Variants in COLEC12 observed in about 807,000 individuals in gnomAD.
COLEC12 encodes the protein collectin-12.
COLEC12 carries 33 observed loss-of-function variants against 71.1 expected under a neutral mutation model. The observed-to-expected ratio is 0.46, with a 90% CI of 0.35 to 0.62. The LOEUF (loss-of-function observed/expected upper bound fraction) is 0.62, where lower values mean the gene tolerates loss of function less well. COLEC12 is among the 20% of genes least tolerant of loss of function. The pLI, the probability that COLEC12 is intolerant of heterozygous loss-of-function variation, is 0.00. For synonymous variants in COLEC12, 350 were observed against 353.0 expected, an observed-to-expected ratio of 0.99 and a Z score of 0.10; for missense variants, 765 against 916.1, an observed-to-expected ratio of 0.84 and a Z score of 2.13.
chr18:363,986 C>T (rs1481549118), intron 2 of COLEC12, among the ~76,000 whole-genome samples: 1 of 152,138 alleles, frequency 6.6e-6, no homozygotes. Context: ...CACAGCAGCT[C>T]TGTATTCATA....
intron 4 of COLEC12, 120 bp from the exon 5 acceptor site, chr18:347,461 T>A: frequency 1.3e-6 from 1 of 776,562 alleles, no homozygotes; most frequent in Non-Finnish European, 2.1e-6. Flanking sequence ...ATTGGCAGTA[T>A]AAGCGGACAG....
At chr18:323,672 G>A (rs931713465) in intron 8 of COLEC12, among the ~76,000 whole-genome samples, 10 of 152,274 alleles carry the variant, frequency 6.6e-5, no homozygotes, top group Middle Eastern at 3.4e-3. Flanking sequence ...CATACATTTC[G>A]TTCATTTCTG....
intron 2 of COLEC12, among the ~76,000 whole-genome samples, chr18:427,693 C>T (rs1279825175): frequency 6.6e-6 from 1 of 151,408 alleles, no homozygotes; most frequent in Non-Finnish European, 1.5e-5. Flanking sequence ...AATTCATAAC[C>T]GGTCCTCAAA....
chr18:390,253 T>G (rs911966620), intron 2 of COLEC12, among the ~76,000 whole-genome samples: 1 of 152,156 alleles, frequency 6.6e-6, no homozygotes, highest in Non-Finnish European at 1.5e-5. Flanking sequence ...TGCCCAAATG[T>G]TGATTTGCTA....
chr18:491,352 T>C (rs1917616025), intron 1 of COLEC12, among the ~76,000 whole-genome samples: 1 of 152,240 alleles, frequency 6.6e-6, no homozygotes, highest in South Asian at 2.1e-4. Flanking sequence ...TGGTAATGTG[T>C]GGGCTTTGAA....
chr18:421,137 C>G (rs1276739924), intron 2 of COLEC12, among the ~76,000 whole-genome samples: 1 of 152,180 alleles, frequency 6.6e-6, no homozygotes, highest in Admixed American at 6.5e-5. Flanking sequence ...GTCTCTACTG[C>G]TAAGTTGTGA....
chr18:464,956 A>G (rs185413175), intron 2 of COLEC12, among the ~76,000 whole-genome samples: 2 of 152,346 alleles, frequency 1.3e-5, no homozygotes, highest in African/African-American at 2.4e-5. Flanking sequence ...CTCAGGTTCT[A>G]GACGCTCCCA....
At chr18:357,162 A>G (rs1567883031) in intron 3 of COLEC12, among the ~76,000 whole-genome samples, 1 of 152,236 alleles carries the variant, frequency 6.6e-6, no homozygotes, top group Admixed American at 6.5e-5. Context: ...AAAAAACTTT[A>G]TAACTCTCAG....
intron 1 of COLEC12, among the ~76,000 whole-genome samples, chr18:491,904 T>C (rs1917625859): frequency 6.6e-6 from 1 of 152,198 alleles, no homozygotes. Context: ...TAAACCTGGC[T>C]CCCCGCATGG....
In COLEC12 at chr18:317,174, C is replaced by G. The variant is rs563951; in HGVS notation, c.*2871G>C. ...CTGGGAGGCAGAGATTGCAGTGAGC[C>G]GAGATCGCGCCACCGCACTCCAGCC... On this transcript the variant is annotated 3_prime_UTR_variant, in exon 10 of 10. Coordinates refer to ENST00000400256, the MANE Select transcript of COLEC12 (RefSeq NM_130386.3). 1 of 152,014 alleles carries G rather than the reference C, an allele frequency of 6.6e-6. No homozygotes were observed. Among genetic ancestry groups the G allele is most frequent in the Non-Finnish European group, 1.5e-5 (1 of 68,032 alleles). 9.4% of individuals were successfully genotyped at this position (152,014 alleles called of 1,614,324 possible).
In COLEC12 at chr18:324,655, C is replaced by A. The variant is rs140398237; in HGVS notation, c.2064-2848G>T. On this transcript the variant is annotated intron_variant, in intron 8 of 9. Coordinates refer to ENST00000400256, the MANE Select transcript of COLEC12 (RefSeq NM_130386.3). ...ACCAGTCTGGCCAACATGGCGAAAC[C>A]CCATCTCTACTAAAAATACAAAAAT... Among the ~76,000 whole-genome samples the A allele has an allele frequency of 3.1e-3, 463 of 151,702 alleles. 3 individuals carry two copies. The highest frequency in any genetic ancestry group is 0.011 in the African/African-American group (448 of 41,288).
At chr18:388,512 A>C (rs950971467) in intron 2 of COLEC12, among the ~76,000 whole-genome samples, 2 of 152,116 alleles carry the variant, frequency 1.3e-5, no homozygotes, top group Admixed American at 1.3e-4. Context: ...GAAACGATTC[A>C]CTTGTCAAGT....
intron 2 of COLEC12, among the ~76,000 whole-genome samples, chr18:389,310 G>A (rs1018847098): frequency 6.8e-6 from 1 of 146,238 alleles, no homozygotes; most frequent in Non-Finnish European, 1.5e-5. Flanking sequence ...CTGGAGCATA[G>A]TGGCACGATC....
chr18:370,689 G>C (rs1408101911), intron 2 of COLEC12, among the ~76,000 whole-genome samples: 1 of 152,122 alleles, frequency 6.6e-6, no homozygotes, highest in Non-Finnish European at 1.5e-5. Flanking sequence ...TACTTGTCTT[G>C]AGAGGTCCAC....
intron 2 of COLEC12, 150 bp from the exon 3 acceptor site, chr18:357,672 G>A (rs901640628): frequency 5.2e-6 from 3 of 578,174 alleles, no homozygotes; most frequent in Non-Finnish European, 5.9e-6. Context: ...TAAACACACT[G>A]CTTGAGCAAC....
intron 2 of COLEC12, among the ~76,000 whole-genome samples, chr18:415,545 T>C (rs866661392): frequency 9.6e-5 from 13 of 135,690 alleles, no homozygotes; most frequent in African/African-American, 3.2e-4. Flanking sequence ...TACTGAACTA[T>C]AATTGTTTAC....
rs1243447101 is a variant in COLEC12 at position 433,899 on chromosome 18, G to T, written c.58+46808C>A. On this transcript the variant is annotated intron_variant, in intron 2 of 9. Coordinates refer to ENST00000400256, the MANE Select transcript of COLEC12 (RefSeq NM_130386.3). ...GGATCGCTTGAGCCCAGTAGGTTGA[G>T]ACTGCAGTGAGCCAAGAATGCACCA... 2.7e-5 allele frequency among the ~76,000 whole-genome samples: 4 copies of T among 149,294 alleles called. No homozygotes were observed. In the East Asian group the frequency reaches 7.9e-4, roughly 30 times the overall value.
chr18:416,092 G>C lies in COLEC12; in HGVS notation c.59-58570C>G, dbSNP rs1915980079. Among the ~76,000 whole-genome samples the C allele has an allele frequency of 2.0e-5, 3 of 152,176 alleles. No homozygotes were observed. The South Asian group carries it at 6.2e-4, about 32-fold the overall frequency. On this transcript the variant is annotated intron_variant, in intron 2 of 9. Coordinates refer to ENST00000400256, the MANE Select transcript of COLEC12 (RefSeq NM_130386.3). ...GATGTGGGTGAAATATTTGTGGGGAGATGACTCAACTTTTAAACCTCTTTG... is the reference window on the plus strand; with the variant it reads ...GATGTGGGTGAAATATTTGTGGGGACATGACTCAACTTTTAAACCTCTTTG...
In COLEC12 at chr18:347,311, G is replaced by C; in HGVS notation, c.311C>G (p.Thr104Ser). The change falls in exon 5 of 10, where the codon ACC becomes AGC. Residue 104 changes from threonine (T) to serine (S), a missense_variant. Transcript: ENST00000400256. ...GDQTGKKAIS[T>S]NSELSTFRSD... is the part of the protein sequence containing the mutation. ...TCTGAAGGTGGAGAGTTCTGAGTTG[G>C]TGCTGATAGCTTTCTTCCCAGTTTG... 6.2e-7 allele frequency: 1 copy of C among 1,612,882 alleles called. No homozygotes were observed. The highest frequency in any genetic ancestry group is 1.1e-5 in the South Asian group (1 of 90,926).
Sources: gnomAD v4.1 joint callset for allele counts (sites outside exome capture counted in the v4.1 genomes callset) on GRCh38, gnomAD v4.1.1 for gene constraint, MANE v1.5 for transcripts, NCBI Gene and HGNC (gene_info 2026-07-23, HGNC 2026-07-21) for gene names.